Variants in TSPAN1 observed in about 807,000 individuals in gnomAD.
TSPAN1 encodes tetraspanin-1.
TSPAN1 carries 23 observed loss-of-function variants against 26.9 expected under a neutral mutation model. The ratio of observed to expected loss-of-function variants is 0.85; its 90% CI spans 0.62 to 1.21. TSPAN1 has a LOEUF of 1.21. Ranked by LOEUF, TSPAN1 falls within the 50% of genes most tolerant of loss-of-function variation. The pLI is 0.00. For missense variants in TSPAN1, 283 were observed against 298.4 expected, an observed-to-expected ratio of 0.95 and a Z score of 0.38; for synonymous variants, 115 against 114.8, an observed-to-expected ratio of 1.00 and a Z score of -0.01.
the TSPAN1 span, chr1:46,194,378 T>C: frequency 1.2e-6 from 2 of 1,614,194 alleles, no homozygotes; most frequent in East Asian, 4.5e-5. Flanking sequence ...TTCAGCTCTG[T>C]GTCTGCCCAG....
At chr1:46,187,682 T>A (rs944268845), downstream of TSPAN1, among the ~76,000 whole-genome samples, 12 of 152,232 alleles carry the variant, frequency 7.9e-5, no homozygotes, top group African/African-American at 2.9e-4. Flanking sequence ...GGAGGCTGCA[T>A]GGGATTTGTT....
At chr1:46,194,978 G>A in the TSPAN1 span, 1 of 1,612,720 alleles carries the variant, frequency 6.2e-7, no homozygotes, top group Non-Finnish European at 8.5e-7. Flanking sequence ...GACCAGAGAA[G>A]GCAGTTAGCC....
chr1:46,190,715 C>G, downstream of TSPAN1: 1 of 1,612,458 alleles, frequency 6.2e-7, no homozygotes, highest in Non-Finnish European at 8.5e-7. Flanking sequence ...GCTGCCAGCC[C>G]CAACCTGTCC....
the TSPAN1 span, chr1:46,195,930 A>G: frequency 6.2e-7 from 1 of 1,614,144 alleles, no homozygotes; most frequent in Non-Finnish European, 8.5e-7. Flanking sequence ...TGGCCCTGGC[A>G]GGGGATATAC....
chr1:46,191,197 C>T, the TSPAN1 span: 1 of 297,724 alleles, frequency 3.4e-6, no homozygotes, highest in South Asian at 3.3e-5. Context: ...CTGAGGGAAG[C>T]GCCTGCCCCT....
At chr1:46,195,736 G>C in the TSPAN1 span, 3 of 1,295,086 alleles carry the variant, frequency 2.3e-6, no homozygotes, top group Non-Finnish European at 3.3e-6. Flanking sequence ...TGTTATATGA[G>C]GGGCAGAGAA....
rs773164919 is a variant in TSPAN1 at position 46,185,326 on chromosome 1, C to G, written c.678+18C>G. 1.2e-6 allele frequency: 2 copies of G among 1,613,604 alleles called. No individual in the cohort carries two copies. The highest frequency in any genetic ancestry group is 1.7e-6 in the Non-Finnish European group (2 of 1,179,802). ...GCCTCGAGGTAAGCAGATGAGGAGGCTGGGACTGGGACATGGGCATGAGAC... is the reference window on the plus strand; with the variant it reads ...GCCTCGAGGTAAGCAGATGAGGAGGGTGGGACTGGGACATGGGCATGAGAC... On this transcript the variant is annotated intron_variant, in intron 8 of 8. Coordinates refer to ENST00000372003, the MANE Select transcript of TSPAN1 (RefSeq NM_005727.4).
chr1:46,176,177 G>A, intron 1 of TSPAN1: 2 of 1,531,890 alleles, frequency 1.3e-6, no homozygotes, highest in Non-Finnish European at 1.7e-6. Flanking sequence ...ACCCAGCCTA[G>A]TGGCTCTGTT....
chr1:46,194,476 G>A, the TSPAN1 span: 1 of 1,614,108 alleles, frequency 6.2e-7, no homozygotes, highest in Non-Finnish European at 8.5e-7. Context: ...ACAATCAAAG[G>A]AATAAAGCTC....
chr1:46,190,644 G>A (rs993804092), downstream of TSPAN1: 15 of 1,539,836 alleles, frequency 9.7e-6, no homozygotes, highest in Non-Finnish European at 2.7e-6. Context: ...CACAGGCCCA[G>A]CATTGGAAGG....
chr1:46,178,514 A>G (rs770968876), intron 1 of TSPAN1, among the ~76,000 whole-genome samples: 6 of 150,572 alleles, frequency 4.0e-5, no homozygotes, highest in South Asian at 4.2e-4. Flanking sequence ...CACAAACCTC[A>G]TCTTTCCCCC....
At chr1:46,195,795 G>A in the TSPAN1 span, 24 of 1,573,736 alleles carry the variant, frequency 1.5e-5, no homozygotes, top group Admixed American at 1.8e-5. Flanking sequence ...GTCAGGGTCA[G>A]GACAGAATAA....
chr1:46,192,665 G>A, the TSPAN1 span: 1 of 1,603,714 alleles, frequency 6.2e-7, no homozygotes, highest in Non-Finnish European at 8.5e-7. Flanking sequence ...TAGAATTGCT[G>A]GAGCTGGGTC....
the TSPAN1 span, chr1:46,194,020 C>T: frequency 6.3e-7 from 1 of 1,576,528 alleles, no homozygotes. Context: ...TAGGTGCAGA[C>T]TGGAGTAGAC....
chr1:46,182,335 G>A (rs1657333466), intron 3 of TSPAN1, among the ~76,000 whole-genome samples: 1 of 16,740 alleles, frequency 6.0e-5, no homozygotes, highest in Non-Finnish European at 3.4e-4. Context: ...TGAAGGAGAT[G>A]GAGAAGGAGC....
the TSPAN1 span, chr1:46,193,980 C>T: frequency 1.2e-6 from 2 of 1,605,492 alleles, no homozygotes; most frequent in South Asian, 1.1e-5. Context: ...AACTGGGATC[C>T]CCACCTAGGG....
At chr1:46,190,097 C>CTTTT (rs946195454), downstream of TSPAN1, 137 of 807,092 alleles carry the variant, frequency 1.7e-4, no homozygotes, top group South Asian at 4.5e-4. Flanking sequence ...CCTTGAAGTT[C>CTTTT]TTTTTTTTTT....
intron 2 of TSPAN1, 110 bp downstream of exon 2, chr1:46,180,768 TG>T (rs760400360): frequency 8.1e-5 from 27 of 335,014 alleles, no homozygotes; most frequent in East Asian, 2.6e-4. Flanking sequence ...GGGGTTAGTG[TG>T]GGGGGGAGCA....
intron 4 of TSPAN1, 78 bp from the exon 5 acceptor site, chr1:46,184,516 T>C: frequency 6.2e-7 from 1 of 1,602,070 alleles, no homozygotes; most frequent in East Asian, 2.2e-5. Context: ...TGTCTCACTT[T>C]TCCGGGGGGG....
Sources: gnomAD v4.1 joint callset for allele counts (sites outside exome capture counted in the v4.1 genomes callset) on GRCh38, gnomAD v4.1.1 for gene constraint, MANE v1.5 for transcripts, NCBI Gene and HGNC (gene_info 2026-07-23, HGNC 2026-07-21) for gene names.